The following ERCC8 variants were observed in gnomAD, a reference collection of about 807,000 sequenced individuals.
ERCC8 encodes ERCC excision repair 8, CSA ubiquitin ligase complex subunit, also known as DNA excision repair protein ERCC-8.
Under a neutral mutation model 54.9 loss-of-function variants are expected in ERCC8, and 52 were observed. The observed-to-expected ratio is 0.95, with a 90% CI of 0.76 to 1.19. ERCC8 has a LOEUF of 1.19. Among genes scored for constraint, ERCC8 ranks in the 50% most tolerant of loss-of-function variants. ERCC8 has a pLI of 0.00. For synonymous variants in ERCC8, 146 were observed against 157.2 expected, an observed-to-expected ratio of 0.93 and a Z score of 0.53; for missense variants, 514 against 466.1, an observed-to-expected ratio of 1.10 and a Z score of -0.95.
At position 60,868,701 on chromosome 5, in the gene ERCC8, G is replaced by A. The variant is rs1266871301; in HGVS notation, c.*5914C>T. ...TGTAATAATTCTAAGCACCCAGGAG[G>A]TTTACAACAGTGATTCTAGGTAGCA... On this transcript the variant is annotated 3_prime_UTR_variant, in exon 12 of 12. Transcript: ENST00000676185. Among the ~76,000 whole-genome samples the A allele has an allele frequency of 1.3e-5, 2 of 152,100 alleles. No individual in the cohort carries two copies. Among genetic ancestry groups the A allele is most frequent in the African/African-American group, 2.4e-5 (1 of 41,426 alleles).
rs1180409075 is a variant in ERCC8, at chr5:60,868,796, T to A, written c.*5819A>T. Among the ~76,000 whole-genome samples, 1 of 152,234 alleles carries A rather than the reference T, an allele frequency of 6.6e-6. No homozygotes were observed. Among genetic ancestry groups the A allele is most frequent in the Non-Finnish European group, 1.5e-5 (1 of 68,032 alleles). ...TTATGATTAAACTTCGTTAGTTTTC[T>A]TCCCTGAATTTAATACTTTTCCAGA... On this transcript the variant is annotated 3_prime_UTR_variant, in exon 12 of 12. Transcript: ENST00000676185.
Position 60,944,947 on chromosome 5 carries a change from G to T in ERCC8, c.62C>A (p.Ala21Glu). 2 of 1,613,808 alleles carry T rather than the reference G, an allele frequency of 1.2e-6. No homozygotes were observed. Among genetic ancestry groups the T allele is most frequent in the Non-Finnish European group, 1.7e-6 (2 of 1,179,716 alleles). Residue 21 changes from alanine to glutamate, a missense_variant, in exon 1 of 12, where the codon GCA becomes GAA. Physicochemically the swap from Ala to Glu is moderately radical, Grantham distance 107. Transcript: ENST00000676185. ...TTTTCTTTACCTCCGTGTTGACTCT[G>T]CTCTCCGAAGGCGAAGAGGGTCCTC... ...GLEDPLRLRR[A>E]ESTRRVLGLE...
intron 11 of ERCC8, among the ~76,000 whole-genome samples, chr5:60,884,068 C>T (rs775054029): frequency 2.0e-5 from 3 of 152,192 alleles, no homozygotes; most frequent in Non-Finnish European, 2.9e-5. Context: ...TGAAAGGAAA[C>T]CTAAGAATAA....
At position 60,928,938 on chromosome 5, in the gene ERCC8, A is replaced by G. The variant is rs779993885; in HGVS notation, c.99T>C (p.Asn33=). 46 of 1,603,000 alleles carry G rather than the reference A, an allele frequency of 2.9e-5. No individual in the cohort carries two copies. The highest frequency in any genetic ancestry group is 3.5e-5 in the Non-Finnish European group (41 of 1,171,284). ...GGATTCTTTCAACATCTCTGTCTTTATTTAATTCCAGTCCCAAAACTCTTA... is the reference window on the plus strand; with the variant it reads ...GGATTCTTTCAACATCTCTGTCTTTGTTTAATTCCAGTCCCAAAACTCTTA... ...STRRVLGLEL[N]KDRDVERIHG... Residue 33 remains asparagine, a synonymous_variant, in exon 2 of 12, where the codon AAT becomes AAC. Coordinates refer to ENST00000676185, the MANE Select transcript of ERCC8 (RefSeq NM_000082.4).
chr5:60,938,482 T>C (rs1050139190), intron 1 of ERCC8, among the ~76,000 whole-genome samples: 3 of 151,220 alleles, frequency 2.0e-5, no homozygotes, highest in African/African-American at 7.3e-5. Context: ...GCCCCCCGAG[T>C]AGCTGGGATT....
chr5:60,885,876 C>A (rs1437247195), intron 11 of ERCC8, among the ~76,000 whole-genome samples: 1 of 151,982 alleles, frequency 6.6e-6, no homozygotes, highest in Non-Finnish European at 1.5e-5. Flanking sequence ...TTGACATAGT[C>A]CTTTTTTCAT....
chr5:60,936,371 T>C (rs1483115567), intron 1 of ERCC8, among the ~76,000 whole-genome samples: 1 of 152,178 alleles, frequency 6.6e-6, no homozygotes, highest in Non-Finnish European at 1.5e-5. Flanking sequence ...ATATCTCCCA[T>C]TTTGTTTCTA....
Position 60,870,131 on chromosome 5 carries a change from GA to G in ERCC8, c.*4483del, listed in dbSNP as rs1460056827. Among the ~76,000 whole-genome samples, 4 of 152,086 alleles carry G rather than the reference GA, an allele frequency of 2.6e-5. No individual in the cohort carries two copies. The highest frequency in any genetic ancestry group is 5.9e-5 in the Non-Finnish European group (4 of 68,012). On this transcript the variant is annotated 3_prime_UTR_variant, in exon 12 of 12. Transcript: ENST00000676185. ...AAACAAAACAAGGGTTTAGGGTGGGGAGGGGAATAAAACAATAATCAAAAGT... is the reference window on the plus strand; with the variant it reads ...AAACAAAACAAGGGTTTAGGGTGGGGGGGGAATAAAACAATAATCAAAAGT...
chr5:60,935,514 T>G (rs1029027923), intron 1 of ERCC8, among the ~76,000 whole-genome samples: 2 of 152,186 alleles, frequency 1.3e-5, no homozygotes, highest in African/African-American at 4.8e-5. Context: ...TTTACTGATT[T>G]GGGTGTCCTT....
Position 60,869,682 on chromosome 5 carries a change from C to T in ERCC8, c.*4933G>A, listed in dbSNP as rs558920587. ...TTAAAAGAGAGGTCAAGCTGATCTA[C>T]GATGTGATTTTTTAGGCTTCTGGTT... On this transcript the variant is annotated 3_prime_UTR_variant, in exon 12 of 12. Coordinates refer to ENST00000676185, the MANE Select transcript of ERCC8 (RefSeq NM_000082.4). Among the ~76,000 whole-genome samples, 4 of 152,046 alleles carry T rather than the reference C, an allele frequency of 2.6e-5. No homozygotes were observed. The highest frequency in any genetic ancestry group is 1.3e-4 in the Admixed American group (2 of 15,258).
intron 3 of ERCC8, among the ~76,000 whole-genome samples, chr5:60,919,178 GTCTT>G (rs1453388212): frequency 6.6e-6 from 1 of 151,984 alleles, no homozygotes; most frequent in Non-Finnish European, 1.5e-5. Context: ...TGCTCATAAA[GTCTT>G]TATCTTTTAG....
intron 11 of ERCC8, among the ~76,000 whole-genome samples, chr5:60,886,958 CAT>C (rs372897188): frequency 2.6e-4 from 39 of 151,928 alleles, no homozygotes; most frequent in African/African-American, 3.6e-4. Context: ...AATGTTTACA[CAT>C]AGTTATTAAT....
intron 11 of ERCC8, among the ~76,000 whole-genome samples, chr5:60,884,279 A>AC: frequency 6.6e-6 from 1 of 151,988 alleles, no homozygotes; most frequent in Non-Finnish European, 1.5e-5. Context: ...GGAGATCGAG[A>AC]CCATCCTGTG....
chr5:60,904,980 G>A (rs1749029044), intron 4 of ERCC8, 107 bp from the exon 5 acceptor site: 3 of 562,438 alleles, frequency 5.3e-6, no homozygotes, highest in Non-Finnish European at 3.3e-6. Context: ...TAAATTGACT[G>A]TTAGCAATTC....
chr5:60,931,421 C>G (rs942821507), intron 1 of ERCC8, among the ~76,000 whole-genome samples: 1 of 152,146 alleles, frequency 6.6e-6, no homozygotes, highest in African/African-American at 2.4e-5. Flanking sequence ...ATCCTCTTGC[C>G]TCAGCCTCCC....
chr5:60,944,799 C>T, intron 1 of ERCC8, 133 bp downstream of exon 1: 1 of 508,312 alleles, frequency 2.0e-6, no homozygotes, highest in East Asian at 6.1e-5. Flanking sequence ...TTTTAGCAAG[C>T]CACACAGCAT....
At chr5:60,898,493 A>G in intron 8 of ERCC8, 93 bp from the exon 9 acceptor site, 1 of 1,397,878 alleles carries the variant, frequency 7.2e-7, no homozygotes. Context: ...AAGGACAACT[A>G]CTTGAGTTAC....
chr5:60,916,670 G>A (rs1209268240), intron 4 of ERCC8, among the ~76,000 whole-genome samples: 1 of 151,890 alleles, frequency 6.6e-6, no homozygotes, highest in Non-Finnish European at 1.5e-5. Context: ...CTATTCTAAT[G>A]TAGCAAGGTC....
At chr5:60,911,605 C>T (rs551511942) in intron 4 of ERCC8, among the ~76,000 whole-genome samples, 3 of 152,180 alleles carry the variant, frequency 2.0e-5, no homozygotes, top group Middle Eastern at 3.4e-3. Flanking sequence ...TTAGATCCCA[C>T]TTGTCAATTT....
Sources: gnomAD v4.1 joint callset for allele counts (sites outside exome capture counted in the v4.1 genomes callset) on GRCh38, gnomAD v4.1.1 for gene constraint, MANE v1.5 for transcripts, NCBI Gene and HGNC (gene_info 2026-07-23, HGNC 2026-07-21) for gene names.